The following ZMYND12 variants were observed in gnomAD, a reference collection of about 807,000 sequenced individuals.
ZMYND12 encodes the protein zinc finger MYND-type containing 12.
A neutral mutation model predicts 41.7 loss-of-function variants in ZMYND12; 32 were observed. The ratio of observed to expected loss-of-function variants is 0.77; its 90% CI spans 0.58 to 1.03. The LOEUF (loss-of-function observed/expected upper bound fraction) is 1.03. Among genes scored for constraint, ZMYND12 ranks in the 50% least tolerant of loss-of-function variants. The probability of loss-of-function intolerance (pLI) is 0.00; values close to 1 mark genes in which losing one functional copy is unlikely to be tolerated. For missense variants in ZMYND12, 424 were observed against 438.5 expected, an observed-to-expected ratio of 0.97 and a Z score of 0.30; for synonymous variants, 148 against 164.8, an observed-to-expected ratio of 0.90 and a Z score of 0.78.
rs115300029 is a variant in ZMYND12, at chr1:42,449,647, G to T, written c.252+271C>A. Among the ~76,000 whole-genome samples the T allele has an allele frequency of 3.8e-3, 583 of 152,332 alleles. 1 individual carries two copies. Among genetic ancestry groups the T allele is most frequent in the African/African-American group, 0.012 (515 of 41,570 alleles). ...TGACCCCTTGATCTTGGACTTCCCA[G>T]CCTCCAGAGCTGTGAGGAAATAAAT... On this transcript the variant is annotated intron_variant, in intron 2 of 7. Transcript: ENST00000372565.
intron 2 of ZMYND12, among the ~76,000 whole-genome samples, chr1:42,449,600 C>A (rs560178548): frequency 6.6e-6 from 1 of 152,318 alleles, no homozygotes; most frequent in Admixed American, 6.5e-5. Context: ...GGAAGAGAGG[C>A]CTCAGAAGAA....
chr1:42,455,964 C>T lies in ZMYND12; in HGVS notation c.34G>A (p.Gly12Arg), dbSNP rs1490477900. ...NVIYPLAVPK[G>R]RRLCCEVCEA... ...CACACCTCACAGCAGAGTCTGCGCCCCTTGGGGACTGCCAGTGGGTAGATC... is the reference window on the plus strand; with the variant it reads ...CACACCTCACAGCAGAGTCTGCGCCTCTTGGGGACTGCCAGTGGGTAGATC... Residue 12 changes from glycine (G) to arginine (R), a missense_variant, in exon 1 of 8, where the codon GGG becomes AGG. Transcript: ENST00000372565. 3 of 1,613,470 alleles carry T rather than the reference C, an allele frequency of 1.9e-6. No individual in the cohort carries two copies. In the African/African-American group the frequency reaches 4.0e-5, roughly 22 times the overall value.
Position 42,445,021 on chromosome 1 carries a change from G to T in ZMYND12, c.424+3446C>A, listed in dbSNP as rs376725465. ...GACAGGGTTTCACCGTGTTCGCCAG[G>T]ATGGTCTCGATCTCCTGACCTCGTG... is the stretch of plus-strand genomic sequence containing the variant. On this transcript the variant is annotated intron_variant, in intron 3 of 7. Coordinates refer to ENST00000372565, the MANE Select transcript of ZMYND12 (RefSeq NM_032257.5). 3.8e-4 allele frequency among the ~76,000 whole-genome samples: 58 copies of T among 151,516 alleles called. No individual in the cohort carries two copies. In the East Asian group the frequency reaches 0.01, roughly 27 times the overall value.
intron 1 of ZMYND12, 39 bp downstream of exon 1, chr1:42,455,849 G>A: frequency 6.8e-7 from 1 of 1,478,536 alleles, no homozygotes. Context: ...GAGAGAGGGA[G>A]GGAGTTATAG....
intron 3 of ZMYND12, among the ~76,000 whole-genome samples, chr1:42,440,738 C>T (rs1478742012): frequency 6.6e-6 from 1 of 152,032 alleles, no homozygotes; most frequent in Non-Finnish European, 1.5e-5. Context: ...GGCGCGATCT[C>T]GGCTCACTAC....
In ZMYND12 at chr1:42,455,892, A is replaced by C; in HGVS notation, c.106T>G (p.Tyr36Asp). Residue 36 changes from tyrosine (Y) to aspartate (D), a missense_variant, in exon 1 of 8, where the codon TAC becomes GAC. Tyr to Asp is a radical substitution (Grantham distance 160). Coordinates refer to ENST00000372565, the MANE Select transcript of ZMYND12 (RefSeq NM_032257.5). ...RVCAACTVTY[Y>D]CGVVHQKADW... The stretch of plus-strand genomic sequence containing the variant: ...GTGCCACGTTTCAGGGCCTACCAGT[A>C]ATAAGTGACTGTGCAGGCCGCGCAC... 5 of 1,610,838 alleles carry C rather than the reference A, an allele frequency of 3.1e-6. No individual in the cohort carries two copies. The highest frequency in any genetic ancestry group is 4.2e-6 in the Non-Finnish European group (5 of 1,177,834).
At chr1:42,452,278 A>G (rs1451458226) in intron 1 of ZMYND12, among the ~76,000 whole-genome samples, 3 of 152,238 alleles carry the variant, frequency 2.0e-5, no homozygotes, top group Non-Finnish European at 4.4e-5. Flanking sequence ...AGTGGTATTC[A>G]AGAACAGGAA....
Position 42,430,458 on chromosome 1 carries a change from A to G in ZMYND12, c.*278T>C, listed in dbSNP as rs1642835710. Reference sequence around the variant, plus strand: ...TTTGTAGTTTAATTACAAATACCATATTAGTGATCTGACTACATATTACTC... The same window carrying G: ...TTTGTAGTTTAATTACAAATACCATGTTAGTGATCTGACTACATATTACTC... On this transcript the variant is annotated 3_prime_UTR_variant, in exon 8 of 8. Coordinates refer to ENST00000372565, the MANE Select transcript of ZMYND12 (RefSeq NM_032257.5). The G allele has an allele frequency of 5.9e-6, 2 of 337,884 alleles. No individual in the cohort carries two copies. 20.9% of individuals were successfully genotyped at this position (337,884 alleles called of 1,614,324 possible). A position where few individuals can be genotyped will look rare whatever the true frequency, so the allele number is the denominator to read the frequency against.
chr1:42,436,892 T>C (rs12035020), intron 4 of ZMYND12, among the ~76,000 whole-genome samples: 13,884 of 152,098 alleles, frequency 0.091, 789 homozygotes, highest in South Asian at 0.18. Flanking sequence ...GCAGCCTCTG[T>C]GGAAACAGTT....
intron 7 of ZMYND12, chr1:42,432,869 C>T: frequency 2.7e-6 from 1 of 364,662 alleles, no homozygotes; most frequent in Non-Finnish European, 4.9e-6. Flanking sequence ...CAAGGCTCCC[C>T]AGAGCCTTCC....
intron 1 of ZMYND12, among the ~76,000 whole-genome samples, chr1:42,454,991 TC>T (rs1262833070): frequency 2.0e-5 from 3 of 152,242 alleles, no homozygotes; most frequent in Non-Finnish European, 4.4e-5. Flanking sequence ...TACTTTCTAC[TC>T]ATTCTGTGCT....
intron 3 of ZMYND12, among the ~76,000 whole-genome samples, chr1:42,447,808 G>A (rs1570354841): frequency 6.6e-6 from 1 of 152,110 alleles, no homozygotes; most frequent in African/African-American, 2.4e-5. Context: ...TGGCCACCAT[G>A]TAGGGTATCT....
chr1:42,439,972 C>T lies in ZMYND12; in HGVS notation c.478G>A (p.Val160Ile), dbSNP rs1295086401. 1 of 1,614,004 alleles carries T rather than the reference C, an allele frequency of 6.2e-7. No individual in the cohort carries two copies. The highest frequency in any genetic ancestry group is 8.5e-7 in the Non-Finnish European group (1 of 1,180,008). ...EEYLFQAQWT[V>I]LKSTDCSNAT... is the part of the protein sequence containing the mutation. ...TTACTACAGTCAGTTGATTTGAGGA[C>T]TGTCCACTGGGCTTGGAATAGATAT... Residue 160 changes from valine to isoleucine, a missense_variant, in exon 4 of 8, where the codon GTC (valine) becomes ATC (isoleucine). Transcript: ENST00000372565.
intron 4 of ZMYND12, among the ~76,000 whole-genome samples, chr1:42,438,951 A>G (rs377087484): frequency 1.3e-5 from 2 of 152,320 alleles, no homozygotes; most frequent in Admixed American, 6.5e-5. Context: ...TTTTGAAAGA[A>G]CAATTCAGTT....
At chr1:42,450,103 G>A in intron 1 of ZMYND12, 44 bp from the exon 2 acceptor site, 1 of 1,604,184 alleles carries the variant, frequency 6.2e-7, no homozygotes. Flanking sequence ...TATTTGGCAT[G>A]ACTTAAGATT....
chr1:42,452,091 A>G (rs536978144), intron 1 of ZMYND12, among the ~76,000 whole-genome samples: 74 of 152,274 alleles, frequency 4.9e-4, no homozygotes, highest in African/African-American at 1.7e-3. Flanking sequence ...ATCTTTAGGT[A>G]GGGCATTCAT....
intron 4 of ZMYND12, among the ~76,000 whole-genome samples, chr1:42,438,816 T>C (rs1228095950): frequency 2.6e-5 from 4 of 152,168 alleles, no homozygotes; most frequent in Non-Finnish European, 4.4e-5. Flanking sequence ...GAAGAGAGGC[T>C]GAAGAGAGAA....
intron 7 of ZMYND12, among the ~76,000 whole-genome samples, chr1:42,432,637 C>T (rs1299370186): frequency 1.3e-5 from 2 of 151,928 alleles, no homozygotes; most frequent in African/African-American, 2.4e-5. Context: ...GCCTCAGTTT[C>T]CTTGTTTGTA....
At chr1:42,452,790 T>C (rs1321289482) in intron 1 of ZMYND12, among the ~76,000 whole-genome samples, 2 of 152,168 alleles carry the variant, frequency 1.3e-5, no homozygotes, top group African/African-American at 2.4e-5. Context: ...TAATCCACTA[T>C]AGAGCAATAT....
Sources: gnomAD v4.1 joint callset for allele counts (sites outside exome capture counted in the v4.1 genomes callset) on GRCh38, gnomAD v4.1.1 for gene constraint, MANE v1.5 for transcripts, NCBI Gene and HGNC (gene_info 2026-07-23, HGNC 2026-07-21) for gene names.